The following LONP1 variants were observed in gnomAD, a reference collection of about 807,000 sequenced individuals.
LONP1 encodes the protein lon protease homolog, mitochondrial.
LONP1 carries 31 observed loss-of-function variants against 98.5 expected under a neutral mutation model. The observed-to-expected ratio is 0.31, with a 90% CI of 0.24 to 0.42. The LOEUF is 0.42. Among genes scored for constraint, LONP1 ranks in the 20% least tolerant of loss-of-function variants. The probability of loss-of-function intolerance (pLI) is 1.00; values close to 1 mark genes in which losing one functional copy is unlikely to be tolerated. For missense variants in LONP1, 1,336 were observed against 1,350.6 expected, an observed-to-expected ratio of 0.99 and a Z score of 0.17; for synonymous variants, 781 against 594.7, an observed-to-expected ratio of 1.31 and a Z score of -4.56.
intron 11 of LONP1, 103 bp from the exon 12 acceptor site, chr19:5,696,474 G>C: frequency 6.8e-7 from 1 of 1,479,750 alleles, no homozygotes; most frequent in African/African-American, 1.4e-5. Flanking sequence ...GAGTGAGAGC[G>C]GCACCCACAC....
At chr19:5,705,300 T>C (rs1008760260) in intron 8 of LONP1, among the ~76,000 whole-genome samples, 3 of 151,202 alleles carry the variant, frequency 2.0e-5, no homozygotes, top group African/African-American at 7.3e-5. Context: ...CTCCTAAAAA[T>C]ACAAAAAATT....
chr19:5,713,065 AG>A, intron 3 of LONP1, 68 bp downstream of exon 3: 40 of 1,604,750 alleles, frequency 2.5e-5, no homozygotes, highest in Non-Finnish European at 3.3e-5. Context: ...CTGGGGCATA[AG>A]GCATCCTGGC....
In LONP1 at chr19:5,719,816, C is replaced by A; in HGVS notation, c.317G>T (p.Gly106Val). The A allele has an allele frequency of 1.2e-6, 2 of 1,611,262 alleles. No homozygotes were observed. The highest frequency in any genetic ancestry group is 1.8e-4 in the Middle Eastern group (1 of 5,484). Residue 106 changes from glycine (G) to valine (V), a missense_variant, in exon 1 of 18, where the codon GGC (glycine) becomes GTC (valine). Physicochemically the swap from Gly to Val is moderately radical, Grantham distance 109. This residue lies in a region of LONP1 where 457 missense variants were observed against 403.1 expected (regional missense o/e 1.13). Transcript: ENST00000360614. Reference protein sequence around the residue: ...GAGGSAGAGEGPVITALTPMT... With the variant: ...GAGGSAGAGEVPVITALTPMT... ...GGGCGTGAGCGCCGTTATGACCGGG[C>A]CTTCCCCGGCGCCCGCGCTGCCCCC... is the stretch of plus-strand genomic sequence containing the variant.
chr19:5,694,417 C>G lies in LONP1; in HGVS notation c.2290G>C (p.Val764Leu). The G allele has an allele frequency of 1.2e-6, 2 of 1,613,520 alleles. No homozygotes were observed. Among genetic ancestry groups the G allele is most frequent in the Non-Finnish European group, 1.7e-6 (2 of 1,180,010 alleles). The change falls in exon 15 of 18, where the codon GTG becomes CTG. Residue 764 changes from valine (V) to leucine (L), a missense_variant. Around this residue, in one of 5 missense-constraint regions of LONP1, gnomAD observed 555 missense variants for 542.6 expected, o/e 1.02. Coordinates refer to ENST00000360614, the MANE Select transcript of LONP1 (RefSeq NM_004793.4). ...GCGGTCCAGGCCAGCCCCATGACCA[C>G]GCCGGGCGGTGTCACGTCATACATG... ...ERMYDVTPPG[V>L]VMGLAWTAMG...
At chr19:5,694,020 G>A (rs1568310550) in intron 15 of LONP1, among the ~76,000 whole-genome samples, 1 of 152,192 alleles carries the variant, frequency 6.6e-6, no homozygotes, top group Non-Finnish European at 1.5e-5. Flanking sequence ...AGGGCTACAA[G>A]GCCCAGCTGC....
chr19:5,692,047 C>T lies in LONP1; in HGVS notation c.2865G>A (p.Leu955=). 1 of 1,541,756 alleles carries T rather than the reference C, an allele frequency of 6.5e-7. No homozygotes were observed. Among genetic ancestry groups the T allele is most frequent in the Non-Finnish European group, 8.8e-7 (1 of 1,131,158 alleles). The change falls in exon 18 of 18, where the codon CTG becomes CTA. Residue 955 remains leucine, a synonymous_variant. Transcript: ENST00000360614. ...GGGGTGGCCGTCACCGTTCCACGGC[C>T]AGCGCCTCTGCCTGCTCGTCCGGGA... ...IAFPDEQAEA[L]AVER
chr19:5,700,936 G>A lies in LONP1; in HGVS notation c.1368-9C>T, dbSNP rs1051698087. ...GGTAGTTGCGGGTGACACTGCCAGG[G>A]GACAGATGGAGAGATGCTGAGTGGA... On this transcript the variant is annotated splice_polypyrimidine_tract_variant and intron_variant, in intron 8 of 17. Coordinates refer to ENST00000360614, the MANE Select transcript of LONP1 (RefSeq NM_004793.4). The A allele has an allele frequency of 6.2e-6, 10 of 1,614,082 alleles. No homozygotes were observed. The highest frequency in any genetic ancestry group is 2.2e-5 in the East Asian group (1 of 44,882).
At position 5,714,310 on chromosome 19, in the gene LONP1, AT is replaced by A. The variant is rs769200423; in HGVS notation, c.430-40del. 4,755 of 1,335,420 alleles carry A rather than the reference AT, an allele frequency of 3.6e-3. No individual in the cohort carries two copies. Among genetic ancestry groups the A allele is most frequent in the Non-Finnish European group, 3.8e-3 (3,671 of 959,120 alleles). 82.7% of individuals were successfully genotyped at this position (1,335,420 alleles called of 1,614,324 possible). A position where few individuals can be genotyped will look rare whatever the true frequency, so the allele number is the denominator to read the frequency against. ...GACCCCAAAGTGAAATGCAGAGTAG[AT>A]TTTTTTTTTGAGACAGAGTCTCATT... On this transcript the variant is annotated intron_variant, in intron 1 of 17. Transcript: ENST00000360614.
In LONP1 at chr19:5,691,966, C is replaced by G; in HGVS notation, c.*66G>C. The G allele has an allele frequency of 1.1e-6, 1 of 881,174 alleles. No homozygotes were observed. The highest frequency in any genetic ancestry group is 1.6e-6 in the Non-Finnish European group (1 of 608,620). The allele number at this position is 881,174 out of a possible 1,614,324, so 54.6% of individuals were successfully genotyped here. A position where few individuals can be genotyped will look rare whatever the true frequency, so the allele number is the denominator to read the frequency against. ...TCCACTGCCAGGTCCGGGCGCGCTC[C>G]CCACAGCGCTCAGTTCTGGCCCAGA... On this transcript the variant is annotated 3_prime_UTR_variant, in exon 18 of 18. Coordinates refer to ENST00000360614, the MANE Select transcript of LONP1 (RefSeq NM_004793.4).
At chr19:5,705,681 CG>C in intron 8 of LONP1, 90 bp downstream of exon 8, 3 of 1,157,074 alleles carry the variant, frequency 2.6e-6, no homozygotes, top group Non-Finnish European at 1.3e-6. Context: ...GAAGGTGCCA[CG>C]GGGCTCCCCG....
rs778419558 is a variant in LONP1 at position 5,705,772 on chromosome 19, T to G, written c.1367A>C (p.Asn456Thr). 1 of 1,613,676 alleles carries G rather than the reference T, an allele frequency of 6.2e-7. No individual in the cohort carries two copies. Among genetic ancestry groups the G allele is most frequent in the African/African-American group, 1.3e-5 (1 of 74,944 alleles). ...GGGCCGCCCCGGGCCTGGCACTCACTTGAACTCCGAGGAGTGGTTGTCCAG... is the reference window on the plus strand; with the variant it reads ...GGGCCGCCCCGGGCCTGGCACTCACGTGAACTCCGAGGAGTGGTTGTCCAG... The part of the protein sequence containing the change: ...GLLDNHSSEF[N>T]VTRNYLDWLT... Residue 456 changes from asparagine to threonine, a missense_variant and splice_region_variant, in exon 8 of 18, where the codon AAT becomes ACT. Transcript: ENST00000360614.
In LONP1 at chr19:5,707,083, G is replaced by A; in HGVS notation, c.1123C>T (p.Leu375=). 6.2e-7 allele frequency: 1 copy of A among 1,612,646 alleles called. No homozygotes were observed. Among genetic ancestry groups the A allele is most frequent in the Non-Finnish European group, 8.5e-7 (1 of 1,179,864 alleles). ...LLKKEFELSK[L]QQRLGREVEE... ...ACCTCCCGCCCCAGGCGCTGCTGCA[G>A]CTTGCTCAGTTCAAATTCCTTCTTC... Residue 375 remains leucine, a synonymous_variant, in exon 7 of 18, where the codon CTG becomes TTG. Coordinates refer to ENST00000360614, the MANE Select transcript of LONP1 (RefSeq NM_004793.4).
chr19:5,696,903 C>A (rs897323034), intron 10 of LONP1, 146 bp from the exon 11 acceptor site: 2 of 613,536 alleles, frequency 3.3e-6, no homozygotes, highest in Non-Finnish European at 5.7e-6. Flanking sequence ...TGCTGGCAGC[C>A]GCCGGATGTG....
Position 5,696,461 on chromosome 19 carries a change from C to G in LONP1, c.1774-90G>C, listed in dbSNP as rs550296583. The G allele has an allele frequency of 1.6e-3, 2,404 of 1,526,382 alleles. 7 individuals carry two copies. The highest frequency in any genetic ancestry group is 1.9e-3 in the Non-Finnish European group (2,092 of 1,127,370). 94.6% of individuals were successfully genotyped at this position (1,526,382 alleles called of 1,614,324 possible). On this transcript the variant is annotated intron_variant, in intron 11 of 17. Coordinates refer to ENST00000360614, the MANE Select transcript of LONP1 (RefSeq NM_004793.4). Reference sequence around the variant, plus strand: ...ACCCCAGGGTCAGGGCTGGGGAGACCCCGAGTGAGAGCGGCACCCACACCC... The same window carrying G: ...ACCCCAGGGTCAGGGCTGGGGAGACGCCGAGTGAGAGCGGCACCCACACCC...
In LONP1 at chr19:5,696,269, C is replaced by T. The variant is rs147307965; in HGVS notation, c.1876G>A (p.Val626Met). 1,367 of 1,613,246 alleles carry T rather than the reference C, an allele frequency of 8.5e-4. No homozygotes were observed. The highest frequency in any genetic ancestry group is 1.0e-3 in the Non-Finnish European group (1,215 of 1,179,896). The change falls in exon 12 of 18, where the codon GTG becomes ATG. Residue 626 changes from valine (V) to methionine (M), a missense_variant. Around this residue, in one of 5 missense-constraint regions of LONP1, gnomAD observed 555 missense variants for 542.6 expected, o/e 1.02. Coordinates refer to ENST00000360614, the MANE Select transcript of LONP1 (RefSeq NM_004793.4). Reference sequence around the variant, plus strand: ...CCCACCTTGGACAAGTCCACGGGCACGTCCAGGTAGTGGTCCAGGAAGTTG... The same window carrying T: ...CCCACCTTGGACAAGTCCACGGGCATGTCCAGGTAGTGGTCCAGGAAGTTG... ...NANFLDHYLDVPVDLSKVLFI... is the reference protein window; with the variant it reads ...NANFLDHYLDMPVDLSKVLFI...
At chr19:5,712,911 A>G (rs1393502757) in intron 3 of LONP1, among the ~76,000 whole-genome samples, 1 of 152,174 alleles carries the variant, frequency 6.6e-6, no homozygotes, top group Non-Finnish European at 1.5e-5. Flanking sequence ...AATTCCAGGC[A>G]GGAGTCACCA....
At chr19:5,698,906 G>C (rs1414394802) in intron 10 of LONP1, 121 bp downstream of exon 10, 3 of 1,034,842 alleles carry the variant, frequency 2.9e-6, no homozygotes, top group Non-Finnish European at 4.0e-6. Context: ...TCCAGCATGA[G>C]TGGAATCGGT....
rs1458317824 is a variant in LONP1, at chr19:5,692,090, T to C, written c.2822A>G (p.Glu941Gly). 3.7e-6 allele frequency: 6 copies of C among 1,610,176 alleles called. No individual in the cohort carries two copies. The East Asian group carries it at 1.3e-4, about 36-fold the overall frequency. The part of the protein sequence containing the change: ...LEVHFVEHYR[E>G]IFDIAFPDEQ... ...GTCCGGGAAGGCGATGTCGAAGATC[T>C]CCCGGTAGTGTTCCACGAAGTGCAC... Residue 941 changes from glutamate to glycine, a missense_variant, in exon 18 of 18, where the codon GAG (glutamate) becomes GGG (glycine). Physicochemically the swap from Glu to Gly is moderately conservative, Grantham distance 98. Coordinates refer to ENST00000360614, the MANE Select transcript of LONP1 (RefSeq NM_004793.4).
rs953327449 is a variant in LONP1 at position 5,720,114 on chromosome 19, A to G, written c.19T>C (p.Tyr7His). The G allele has an allele frequency of 4.0e-5, 58 of 1,445,002 alleles. No individual in the cohort carries two copies. The highest frequency in any genetic ancestry group is 4.9e-5 in the Non-Finnish European group (54 of 1,107,900). The allele number at this position is 1,445,002 out of a possible 1,614,324, so 89.5% of individuals were successfully genotyped here. Residue 7 changes from tyrosine to histidine, a missense_variant, in exon 1 of 18, where the codon TAC becomes CAC. Physicochemically the swap from Tyr to His is moderately conservative, Grantham distance 83. Around this residue, in one of 5 missense-constraint regions of LONP1, gnomAD observed 457 missense variants for 403.1 expected, o/e 1.13. Transcript: ENST00000360614. MAASTG[Y>H]VRLWGAARCW... ...CGCGCCGCTCCCCACAGTCGCACGT[A>G]GCCAGTGCTCGCCGCCATAGCCCGG...
Sources: allele counts gnomAD v4.1 joint callset (sites outside exome capture counted in the v4.1 genomes callset), GRCh38; gene constraint gnomAD v4.1.1; regional missense constraint gnomAD v4.1.1; transcripts MANE v1.5; gene names NCBI Gene and HGNC (gene_info 2026-07-23, HGNC 2026-07-21).